Variants in CR1 observed in about 807,000 individuals in gnomAD.
CR1 encodes the protein complement C3b/C4b receptor 1 (Knops blood group).
CR1 carries 116 observed loss-of-function variants against 187.3 expected under a neutral mutation model. That is an observed-to-expected ratio of 0.62 (90% confidence interval 0.53 to 0.72). The LOEUF (loss-of-function observed/expected upper bound fraction) is 0.72, where lower values mean the gene tolerates loss of function less well. Ranked by LOEUF, CR1 falls within the 30% of genes least tolerant of loss-of-function variation. The pLI is 0.00. For synonymous variants in CR1, 576 were observed against 747.1 expected (o/e 0.77, Z 3.73); for missense variants, 1,731 against 2,110.7 (o/e 0.82, Z 3.52).
At chr1:207,592,701 A>G (rs1355410093) in intron 35 of CR1, among the ~76,000 whole-genome samples, 3 of 152,174 alleles carry the variant, frequency 2.0e-5, no homozygotes, top group Non-Finnish European at 2.9e-5. Flanking sequence ...AAACCCCATT[A>G]TCTCAGCTTA....
At chr1:207,633,340 G>T (rs1043678634) in intron 46 of CR1, among the ~76,000 whole-genome samples, 1 of 152,054 alleles carries the variant, frequency 6.6e-6, no homozygotes, top group Admixed American at 6.6e-5. Flanking sequence ...AAAATTACCT[G>T]CAATAATCTC....
At chr1:207,505,858 G>T (rs569369267) in intron 1 of CR1, 46 bp from the exon 2 acceptor site, 2 of 1,566,860 alleles carry the variant, frequency 1.3e-6, no homozygotes, top group African/African-American at 2.8e-5. Context: ...AAAAAGTATG[G>T]TAATTTCTCC....
intron 4 of CR1, among the ~76,000 whole-genome samples, chr1:207,519,926 G>A (rs1263430444): frequency 6.6e-6 from 1 of 152,194 alleles, no homozygotes; most frequent in Non-Finnish European, 1.5e-5. Context: ...TCTGCGGTCT[G>A]TTTACATCTT....
chr1:207,505,842 G>GAA (rs55717835), intron 1 of CR1, 62 bp from the exon 2 acceptor site: 10 of 1,430,258 alleles, frequency 7.0e-6, no homozygotes, highest in African/African-American at 4.4e-5. Flanking sequence ...TCTCAAAAAA[G>GAA]AAAAAAAAAA....
intron 37 of CR1, among the ~76,000 whole-genome samples, chr1:207,610,242 A>G (rs1377024245): frequency 6.6e-6 from 1 of 152,184 alleles, no homozygotes; most frequent in Non-Finnish European, 1.5e-5. Flanking sequence ...ATATATGTAT[A>G]TACACACACA....
intron 33 of CR1, among the ~76,000 whole-genome samples, chr1:207,585,726 A>G (rs376771550): frequency 1.0e-3 from 152 of 152,354 alleles, no homozygotes; most frequent in African/African-American, 3.4e-3. Context: ...AGTGGTACCC[A>G]TCAGAATGCA....
intron 46 of CR1, among the ~76,000 whole-genome samples, chr1:207,633,126 TTCTA>T (rs1224759111): frequency 6.6e-6 from 1 of 152,216 alleles, no homozygotes; most frequent in Non-Finnish European, 1.5e-5. Flanking sequence ...CCGCCTTTCT[TTCTA>T]TCTAAATTCC....
At chr1:207,505,297 A>G (rs780096674) in intron 1 of CR1, among the ~76,000 whole-genome samples, 23 of 152,054 alleles carry the variant, frequency 1.5e-4, no homozygotes, top group Non-Finnish European at 3.1e-4. Flanking sequence ...GTGCACAGGC[A>G]TGTGTACAGG....
chr1:207,526,292 G>A (rs1357990791), intron 5 of CR1, among the ~76,000 whole-genome samples: 2 of 152,088 alleles, frequency 1.3e-5, no homozygotes, highest in East Asian at 3.9e-4. Flanking sequence ...GCTCTTTGTT[G>A]CACCAGTGTG....
At chr1:207,523,550 G>C in intron 4 of CR1, 61 bp from the exon 5 acceptor site, 1 of 1,603,836 alleles carries the variant, frequency 6.2e-7, no homozygotes, top group Non-Finnish European at 8.5e-7. Flanking sequence ...AGTGACTCAT[G>C]AGATTTCTGT....
intron 44 of CR1, among the ~76,000 whole-genome samples, chr1:207,622,435 T>C (rs1305668556): frequency 6.6e-6 from 1 of 152,188 alleles, no homozygotes; most frequent in Non-Finnish European, 1.5e-5. Context: ...AATAGTTTTG[T>C]AATAAAGTTT....
intron 1 of CR1, among the ~76,000 whole-genome samples, chr1:207,502,471 G>T (rs1196581475): frequency 6.6e-6 from 1 of 152,172 alleles, no homozygotes; most frequent in Non-Finnish European, 1.5e-5. Flanking sequence ...TTTAGCAGAT[G>T]CCTGAAGGAA....
At chr1:207,512,098 T>C (rs905014899) in intron 4 of CR1, among the ~76,000 whole-genome samples, 10 of 152,236 alleles carry the variant, frequency 6.6e-5, no homozygotes, top group Non-Finnish European at 1.3e-4. Context: ...GAAGTGAACA[T>C]ATATTTTAAC....
intron 45 of CR1, among the ~76,000 whole-genome samples, chr1:207,626,888 A>G (rs1662494446): frequency 6.6e-6 from 1 of 152,120 alleles, no homozygotes; most frequent in Admixed American, 6.5e-5. Context: ...AAATACAAAA[A>G]TTAGCCTGGT....
At chr1:207,499,756 G>C (rs972244886) in intron 1 of CR1, among the ~76,000 whole-genome samples, 1 of 152,198 alleles carries the variant, frequency 6.6e-6, no homozygotes, top group Admixed American at 6.5e-5. Context: ...CAAGATAGAA[G>C]GGAAGTTCCA....
chr1:207,581,972 C>A lies in CR1; in HGVS notation c.5271C>A (p.Ser1757Arg), dbSNP rs765182428. The A allele has an allele frequency of 1.2e-6, 2 of 1,612,968 alleles. No homozygotes were observed. The highest frequency in any genetic ancestry group is 1.7e-6 in the Non-Finnish European group (2 of 1,179,244). Reference protein sequence around the residue: ...VSHCVLVGMRSLWNNSVPVCE... With the variant: ...VSHCVLVGMRRLWNNSVPVCE... ...ATTGTGTCTTGGTTGGAATGAGAAG[C>A]CTTTGGAATAACAGTGTTCCTGTGT... The change falls in exon 32 of 47, where the codon AGC becomes AGA. Residue 1757 changes from serine (S) to arginine (R), a missense_variant. Transcript: ENST00000367049.
chr1:207,614,332 A>G, intron 39 of CR1, 72 bp from the exon 40 acceptor site: 1 of 1,171,940 alleles, frequency 8.5e-7, no homozygotes, highest in Non-Finnish European at 1.3e-6. Flanking sequence ...GAAGCTGAGC[A>G]TCTATTAGCG....
At chr1:207,624,444 C>T (rs55756449) in intron 45 of CR1, among the ~76,000 whole-genome samples, 5,938 of 152,088 alleles carry the variant, frequency 0.039, 384 homozygotes, top group African/African-American at 0.13. Flanking sequence ...TTTAAGTGAA[C>T]GGTTTTCTAT....
chr1:207,584,410 C>G (rs937942518), intron 32 of CR1, among the ~76,000 whole-genome samples: 2 of 152,112 alleles, frequency 1.3e-5, no homozygotes, highest in Non-Finnish European at 2.9e-5. Flanking sequence ...TATTAACTAT[C>G]TGAAAAATTT....
Sources: allele counts gnomAD v4.1 joint callset (sites outside exome capture counted in the v4.1 genomes callset), GRCh38; gene constraint gnomAD v4.1.1; transcripts MANE v1.5; gene names NCBI Gene and HGNC (gene_info 2026-07-23, HGNC 2026-07-21).